KY: variants seen among roughly 807,000 people sequenced by gnomAD.
KY encodes the protein kyphoscoliosis peptidase.
KY carries 43 observed loss-of-function variants against 76.1 expected under a neutral mutation model. The observed-to-expected ratio is 0.57, with a 90% confidence interval of 0.44 to 0.73. The LOEUF is 0.73. KY is among the 30% of genes least tolerant of loss of function. KY has a pLI of 0.00. For missense variants in KY, 722 were observed against 828.9 expected (o/e 0.87, Z 1.58); for synonymous variants, 277 against 326.2 (o/e 0.85, Z 1.63).
intron 6 of KY, 149 bp from the exon 7 acceptor site, chr3:134,621,006 A>C: frequency 1.6e-6 from 1 of 620,078 alleles, no homozygotes. Context: ...CTGAGGACAA[A>C]TTGGGAGGAG....
Position 134,649,715 on chromosome 3 carries a change from A to G in KY, c.136+1110T>C, listed in dbSNP as rs766766515. On this transcript the variant is annotated intron_variant, in intron 1 of 10. Coordinates refer to ENST00000423778, the MANE Select transcript of KY (RefSeq NM_178554.6). ...TTTCTTTCCCCTGCCTGCCTTCCCA[A>G]GAGGTTCCCAGGGCTCTGGAGGCAG... Among the ~76,000 whole-genome samples the G allele has an allele frequency of 5.9e-5, 9 of 152,184 alleles. No individual in the cohort carries two copies. In the South Asian group the frequency reaches 1.9e-3, roughly 32 times the overall value.
chr3:134,647,550 G>A, intron 1 of KY, 53 bp from the exon 2 acceptor site: 3 of 1,133,458 alleles, frequency 2.6e-6, no homozygotes, highest in Non-Finnish European at 4.0e-6. Flanking sequence ...AAAGAGTGAT[G>A]TACCAGTTGC....
rs757748323 is a variant in KY, at chr3:134,602,853, G to C, written c.*726C>G. Among the ~76,000 whole-genome samples, 5 of 152,228 alleles carry C rather than the reference G, an allele frequency of 3.3e-5. No homozygotes were observed. Among genetic ancestry groups the C allele is most frequent in the Non-Finnish European group, 7.3e-5 (5 of 68,036 alleles). The stretch of plus-strand genomic sequence containing the variant: ...CCCTCCCACCTGCACAGCCACAGCG[G>C]GCATGGGCTGCTCTTTGCTTTGCAG... On this transcript the variant is annotated 3_prime_UTR_variant, in exon 11 of 11. Coordinates refer to ENST00000423778, the MANE Select transcript of KY (RefSeq NM_178554.6).
Position 134,619,207 on chromosome 3 carries a change from G to A in KY, c.651C>T (p.Ile217=). 1 of 1,613,978 alleles carries A rather than the reference G, an allele frequency of 6.2e-7. No homozygotes were observed. The highest frequency in any genetic ancestry group is 8.5e-7 in the Non-Finnish European group (1 of 1,179,896). The change falls in exon 8 of 11, where the codon ATC becomes ATT. Residue 217 remains isoleucine, a synonymous_variant. Transcript: ENST00000423778. The part of the protein sequence containing the change: ...KDRQAFKPTD[I]LRTQKTNCDG... Reference sequence around the variant, plus strand: ...CACAGTTGGTCTTCTGGGTCCGCAGGATGTCAGTGGGTTTGAAGGCTTGGC... The same window carrying A: ...CACAGTTGGTCTTCTGGGTCCGCAGAATGTCAGTGGGTTTGAAGGCTTGGC...
intron 5 of KY, among the ~76,000 whole-genome samples, chr3:134,626,508 A>G (rs1184648344): frequency 6.6e-6 from 1 of 152,152 alleles, no homozygotes; most frequent in African/African-American, 2.4e-5. Context: ...CTGCAGGTAC[A>G]TGCAGGGAGG....
In KY at chr3:134,650,129, T is replaced by C. The variant is rs577827503; in HGVS notation, c.136+696A>G. Among the ~76,000 whole-genome samples the C allele has an allele frequency of 2.6e-5, 4 of 152,358 alleles. 1 individual carries two copies. The highest frequency in any genetic ancestry group is 9.6e-5 in the African/African-American group (4 of 41,590). ...CTGGAGAACAGAGAGGCCCGGATCC[T>C]GCTTTCCACAATCACTCTATAAACA... is the stretch of plus-strand genomic sequence containing the variant. On this transcript the variant is annotated intron_variant, in intron 1 of 10. Coordinates refer to ENST00000423778, the MANE Select transcript of KY (RefSeq NM_178554.6).
At chr3:134,645,221 G>A (rs571148888) in intron 2 of KY, among the ~76,000 whole-genome samples, 1 of 152,188 alleles carries the variant, frequency 6.6e-6, no homozygotes, top group Non-Finnish European at 1.5e-5. Flanking sequence ...CTATTGGGGT[G>A]GGGTAGGAGG....
chr3:134,607,113 G>A (rs1266689164), intron 10 of KY: 6 of 985,292 alleles, frequency 6.1e-6, no homozygotes, highest in Non-Finnish European at 7.2e-6. Context: ...TCAGTTTGGT[G>A]TTGCTTTGAC....
chr3:134,618,298 G>A (rs74338908), intron 8 of KY, among the ~76,000 whole-genome samples: 1,825 of 152,254 alleles, frequency 0.012, 18 homozygotes, highest in South Asian at 0.025. Flanking sequence ...CCTGCCTGTG[G>A]ACTAAGTGTT....
At chr3:134,609,192 C>CA (rs1389674119) in intron 9 of KY, among the ~76,000 whole-genome samples, 1 of 152,180 alleles carries the variant, frequency 6.6e-6, no homozygotes, top group Non-Finnish European at 1.5e-5. Context: ...GGCAGGGAGA[C>CA]AGAGTGCTTG....
intron 4 of KY, 72 bp from the exon 5 acceptor site, chr3:134,627,890 T>C: frequency 8.3e-7 from 1 of 1,211,420 alleles, no homozygotes; most frequent in Non-Finnish European, 1.2e-6. Context: ...ATGACTCACC[T>C]TCTGGTGGTC....
intron 4 of KY, 101 bp from the exon 5 acceptor site, chr3:134,627,919 T>C: frequency 1.2e-6 from 1 of 858,848 alleles, no homozygotes; most frequent in Admixed American, 2.0e-5. Flanking sequence ...TGACCCCTCC[T>C]CTTTACTCTC....
chr3:134,619,394 C>T, intron 7 of KY, 129 bp from the exon 8 acceptor site: 1 of 700,052 alleles, frequency 1.4e-6, no homozygotes, highest in South Asian at 1.6e-5. Context: ...GGAACTACAG[C>T]CCCAGCACAA....
chr3:134,641,944 T>G (rs750962093), intron 3 of KY, among the ~76,000 whole-genome samples: 6 of 152,308 alleles, frequency 3.9e-5, no homozygotes, highest in Non-Finnish European at 8.8e-5. Flanking sequence ...TCCTTTTTTT[T>G]GTGTTGAGCC....
At chr3:134,607,409 C>T in intron 10 of KY, 1 of 985,624 alleles carries the variant, frequency 1.0e-6, no homozygotes, top group African/African-American at 1.7e-5. Context: ...TCCCCAGGGG[C>T]TCTGGGCCCA....
intron 6 of KY, among the ~76,000 whole-genome samples, chr3:134,623,445 C>T (rs1369269475): frequency 6.6e-6 from 1 of 152,146 alleles, no homozygotes. Context: ...CTCTATGTCT[C>T]AGGTCTTCTG....
chr3:134,606,481 C>T (rs1180775220), intron 10 of KY, among the ~76,000 whole-genome samples: 1 of 152,186 alleles, frequency 6.6e-6, no homozygotes, highest in Non-Finnish European at 1.5e-5. Context: ...TGGTAATGTC[C>T]CCGTGGCAAA....
At chr3:134,629,765 T>C (rs749238932) in intron 3 of KY, 70 bp from the exon 4 acceptor site, 2 of 890,376 alleles carry the variant, frequency 2.2e-6, no homozygotes, top group Admixed American at 2.2e-5. Flanking sequence ...TCATGACTGA[T>C]GATTGAATAA....
intron 3 of KY, among the ~76,000 whole-genome samples, chr3:134,635,137 C>A (rs540079226): frequency 6.6e-6 from 1 of 152,328 alleles, no homozygotes; most frequent in East Asian, 1.9e-4. Context: ...TCACCCTGAA[C>A]TGGAAACAAC....
Sources: gnomAD v4.1 joint callset for allele counts (sites outside exome capture counted in the v4.1 genomes callset) on GRCh38, gnomAD v4.1.1 for gene constraint, MANE v1.5 for transcripts, NCBI Gene and HGNC (gene_info 2026-07-23, HGNC 2026-07-21) for gene names.